Variants in NCKAP5 observed in about 807,000 individuals in gnomAD.
NCKAP5 encodes NCK associated protein 5, also known as nck-associated protein 5.
A neutral mutation model predicts 167.0 loss-of-function variants in NCKAP5; 92 were observed. The ratio of observed to expected loss-of-function variants is 0.55; its 90% CI spans 0.47 to 0.66. The LOEUF (loss-of-function observed/expected upper bound fraction) is 0.66, where lower values mean the gene tolerates loss of function less well. Among genes scored for constraint, NCKAP5 ranks in the 30% least tolerant of loss-of-function variants. The probability of loss-of-function intolerance (pLI) is 0.00; values close to 1 mark genes in which losing one functional copy is unlikely to be tolerated. For missense variants in NCKAP5, 2,378 were observed against 2,315.0 expected (o/e 1.03, Z -0.56); for synonymous variants, 891 against 877.4 (o/e 1.02, Z -0.27).
chr2:132,970,466 A>G (rs573820682), intron 7 of NCKAP5, among the ~76,000 whole-genome samples: 1 of 152,324 alleles, frequency 6.6e-6, no homozygotes, highest in East Asian at 1.9e-4. Flanking sequence ...AGTTTAATCA[A>G]GAGTGAATTC....
At chr2:133,385,679 G>T (rs1487404435) in intron 3 of NCKAP5, among the ~76,000 whole-genome samples, 2 of 152,052 alleles carry the variant, frequency 1.3e-5, no homozygotes, top group Non-Finnish European at 2.9e-5. Flanking sequence ...TCTGGTCCTG[G>T]ACTTTTTTTG....
intron 12 of NCKAP5, among the ~76,000 whole-genome samples, chr2:132,795,844 AAAACAAAAG>A: frequency 6.7e-6 from 1 of 150,332 alleles, no homozygotes; most frequent in Non-Finnish European, 1.5e-5. Context: ...AAAAACAAAA[AAAACAAAAG>A]AGAATGAAGC....
chr2:132,695,739 T>C, intron 19 of NCKAP5, among the ~76,000 whole-genome samples: 1 of 152,188 alleles, frequency 6.6e-6, no homozygotes, highest in East Asian at 1.9e-4. Context: ...TTTACCGTTC[T>C]GTTACCTCCA....
intron 3 of NCKAP5, among the ~76,000 whole-genome samples, chr2:133,335,229 T>C (rs1683133074): frequency 6.6e-6 from 1 of 152,274 alleles, no homozygotes; most frequent in South Asian, 2.1e-4. Flanking sequence ...TTCTGAGCCA[T>C]AATCACTGCG....
intron 6 of NCKAP5, chr2:133,122,222 A>T (rs1034734289): frequency 6.6e-6 from 1 of 152,224 alleles, no homozygotes; most frequent in African/African-American, 2.4e-5. Context: ...GATTTTCTAT[A>T]AACCACACCA....
intron 11 of NCKAP5, among the ~76,000 whole-genome samples, chr2:132,798,026 C>T (rs1327628084): frequency 6.6e-6 from 1 of 152,026 alleles, no homozygotes; most frequent in African/African-American, 2.4e-5. Context: ...TCTCAGTGGA[C>T]CTTCAAATTG....
intron 6 of NCKAP5, among the ~76,000 whole-genome samples, chr2:133,086,477 A>T (rs1215776791): frequency 6.6e-6 from 1 of 152,070 alleles, no homozygotes; most frequent in African/African-American, 2.4e-5. Context: ...TATCTCTACA[A>T]AAAAATCTTT....
intron 3 of NCKAP5, among the ~76,000 whole-genome samples, chr2:133,310,241 T>C (rs1466110362): frequency 1.3e-5 from 2 of 152,216 alleles, no homozygotes; most frequent in African/African-American, 4.8e-5. Flanking sequence ...ATATAAATTC[T>C]TCCGAGGAGA....
the NCKAP5 span, among the ~76,000 whole-genome samples, chr2:133,665,585 A>G: frequency 6.6e-6 from 1 of 152,242 alleles, no homozygotes; most frequent in South Asian, 2.1e-4. Flanking sequence ...GTAATAATTT[A>G]AAAGTCTGAA....
At chr2:132,828,841 T>C (rs1037960479) in intron 11 of NCKAP5, among the ~76,000 whole-genome samples, 6 of 152,150 alleles carry the variant, frequency 3.9e-5, no homozygotes, top group African/African-American at 1.4e-4. Flanking sequence ...CTATCCAACC[T>C]TCCTCAGGAG....
intron 3 of NCKAP5, among the ~76,000 whole-genome samples, chr2:133,318,504 C>A (rs1681776747): frequency 6.6e-6 from 1 of 152,150 alleles, no homozygotes; most frequent in Non-Finnish European, 1.5e-5. Flanking sequence ...CTGATGTAAA[C>A]AGCACTGCTG....
At chr2:132,998,149 G>A (rs1358414496) in intron 6 of NCKAP5, among the ~76,000 whole-genome samples, 1 of 152,052 alleles carries the variant, frequency 6.6e-6, no homozygotes, top group Non-Finnish European at 1.5e-5. Context: ...GTTAGAACTC[G>A]GTTAAAATGA....
At chr2:132,763,737 C>T (rs1279005558) in intron 16 of NCKAP5, among the ~76,000 whole-genome samples, 1 of 152,240 alleles carries the variant, frequency 6.6e-6, no homozygotes, top group Non-Finnish European at 1.5e-5. Flanking sequence ...CTGCACTCTG[C>T]TCTGTGCCAT....
chr2:133,407,568 C>T (rs1190901375), intron 3 of NCKAP5, among the ~76,000 whole-genome samples: 3 of 152,172 alleles, frequency 2.0e-5, no homozygotes, highest in East Asian at 1.9e-4. Context: ...CCACTTAACA[C>T]GCTGAGCCCA....
At chr2:133,106,671 T>A (rs2149700608) in intron 6 of NCKAP5, among the ~76,000 whole-genome samples, 1 of 152,306 alleles carries the variant, frequency 6.6e-6, no homozygotes, top group East Asian at 1.9e-4. Context: ...GAGGCAGAAC[T>A]TGTGTGACTG....
chr2:132,869,613 C>A (rs1411697425), intron 9 of NCKAP5, among the ~76,000 whole-genome samples: 1 of 152,168 alleles, frequency 6.6e-6, no homozygotes, highest in African/African-American at 2.4e-5. Flanking sequence ...CATTCAACTG[C>A]ATTTCCCAGC....
At chr2:133,175,581 T>C (rs989131278) in intron 5 of NCKAP5, among the ~76,000 whole-genome samples, 1 of 152,210 alleles carries the variant, frequency 6.6e-6, no homozygotes, top group Non-Finnish European at 1.5e-5. Flanking sequence ...CAAAACTTTC[T>C]GAGAATTGCT....
At chr2:133,334,550 C>T (rs913053989) in intron 3 of NCKAP5, among the ~76,000 whole-genome samples, 8 of 152,142 alleles carry the variant, frequency 5.3e-5, no homozygotes, top group Non-Finnish European at 1.0e-4. Flanking sequence ...TTCAAGACCA[C>T]GACTGTCCAG....
chr2:132,699,296 T>C (rs1687647014), intron 19 of NCKAP5, among the ~76,000 whole-genome samples: 1 of 152,196 alleles, frequency 6.6e-6, no homozygotes, highest in Non-Finnish European at 1.5e-5. Context: ...GCATTCAGGC[T>C]TTAATGTGGA....
Sources: allele counts gnomAD v4.1 joint callset (sites outside exome capture counted in the v4.1 genomes callset), GRCh38; gene constraint gnomAD v4.1.1; transcripts MANE v1.5; gene names NCBI Gene and HGNC (gene_info 2026-07-23, HGNC 2026-07-21).